The following OPCML variants were observed in gnomAD, a reference collection of about 807,000 sequenced individuals.
The protein encoded by OPCML is opioid binding protein/cell adhesion molecule like, also known as opioid-binding protein/cell adhesion molecule.
Under a neutral mutation model 37.8 loss-of-function variants are expected in OPCML, and 13 were observed. The ratio of observed to expected loss-of-function variants is 0.34; its 90% CI spans 0.22 to 0.55. OPCML has a LOEUF of 0.55. Among genes scored for constraint, OPCML ranks in the 20% least tolerant of loss-of-function variants. The pLI is 0.91. For missense variants in OPCML, 341 were observed against 435.6 expected, an observed-to-expected ratio of 0.78 and a Z score of 1.93; for synonymous variants, 176 against 168.8, an observed-to-expected ratio of 1.04 and a Z score of -0.33.
At chr11:132,889,849 C>A (rs1176724881) in intron 2 of OPCML, among the ~76,000 whole-genome samples, 1 of 152,076 alleles carries the variant, frequency 6.6e-6, no homozygotes, top group Non-Finnish European at 1.5e-5. Flanking sequence ...GCTTGCTTCC[C>A]GAATGAAAAA....
chr11:133,036,274 T>A (rs906492832), intron 1 of OPCML, among the ~76,000 whole-genome samples: 4 of 152,238 alleles, frequency 2.6e-5, no homozygotes, highest in Non-Finnish European at 5.9e-5. Flanking sequence ...ATGGTGCGAA[T>A]GTGTGTTTGT....
intron 1 of OPCML, among the ~76,000 whole-genome samples, chr11:133,340,288 C>T (rs961934646): frequency 6.6e-6 from 1 of 152,154 alleles, no homozygotes; most frequent in African/African-American, 2.4e-5. Flanking sequence ...CGGCAGTATG[C>T]AGTGGAATGC....
chr11:132,910,300 C>G lies in OPCML; in HGVS notation c.146+32626G>C, dbSNP rs145227478. ...ATATTCGCCGGCCATTATGCCCCCA[C>G]AGGGGCAGGCCGGGCCCCAGAGCAG... On this transcript the variant is annotated intron_variant, in intron 2 of 7. Coordinates refer to ENST00000524381, the MANE Select transcript of OPCML (RefSeq NM_001012393.5). Among the ~76,000 whole-genome samples, 25 of 152,364 alleles carry G rather than the reference C, an allele frequency of 1.6e-4. No individual in the cohort carries two copies. The South Asian group carries it at 2.3e-3, about 14-fold the overall frequency.
chr11:132,747,703 A>T (rs1314858267), intron 2 of OPCML, among the ~76,000 whole-genome samples: 3 of 152,228 alleles, frequency 2.0e-5, no homozygotes, highest in Non-Finnish European at 4.4e-5. Flanking sequence ...CGGAACTCAG[A>T]AGGGAGAAGT....
At chr11:133,039,544 G>A (rs899901678) in intron 1 of OPCML, among the ~76,000 whole-genome samples, 1 of 152,030 alleles carries the variant, frequency 6.6e-6, no homozygotes, top group Non-Finnish European at 1.5e-5. Context: ...TGGTCATAGT[G>A]CACCCATGAA....
chr11:132,503,309 G>C (rs1565618619), intron 4 of OPCML, among the ~76,000 whole-genome samples: 1 of 152,064 alleles, frequency 6.6e-6, no homozygotes, highest in Non-Finnish European at 1.5e-5. Flanking sequence ...TTAGTACCTA[G>C]AACCAACACA....
In OPCML at chr11:133,040,056, C is replaced by A. The variant is rs371937025; in HGVS notation, c.62-97046G>T. On this transcript the variant is annotated intron_variant, in intron 1 of 7. Transcript: ENST00000524381. The stretch of plus-strand genomic sequence containing the variant: ...AAAAAAAAAGATGGGGGATGGCAGA[C>A]CCTCTATTTCCCTCTATTTCCTCAC... Among the ~76,000 whole-genome samples the A allele has an allele frequency of 6.6e-5, 10 of 151,336 alleles. No homozygotes were observed. In the East Asian group the frequency reaches 1.4e-3, roughly 21 times the overall value.
intron 2 of OPCML, among the ~76,000 whole-genome samples, chr11:132,748,542 G>C (rs557036444): frequency 6.6e-6 from 1 of 152,304 alleles, no homozygotes; most frequent in African/African-American, 2.4e-5. Flanking sequence ...GAAGCAAGGA[G>C]CCTGAGTGTG....
At chr11:132,759,692 T>A (rs1382668770) in intron 2 of OPCML, among the ~76,000 whole-genome samples, 1 of 152,082 alleles carries the variant, frequency 6.6e-6, no homozygotes. Flanking sequence ...CTCTCTTTTC[T>A]TCCTTATTAG....
intron 1 of OPCML, among the ~76,000 whole-genome samples, chr11:133,235,184 G>T (rs527904689): frequency 6.6e-6 from 1 of 152,204 alleles, no homozygotes; most frequent in South Asian, 2.1e-4. Flanking sequence ...AAATAGTTCT[G>T]CACAATTGGT....
chr11:132,606,864 C>T (rs531411737), intron 3 of OPCML, among the ~76,000 whole-genome samples: 13 of 152,294 alleles, frequency 8.5e-5, no homozygotes, highest in South Asian at 4.1e-4. Context: ...CCCCACCCAC[C>T]GCTCACCCCA....
chr11:132,831,633 C>T (rs1037460488), intron 2 of OPCML, among the ~76,000 whole-genome samples: 3 of 152,068 alleles, frequency 2.0e-5, no homozygotes, highest in Non-Finnish European at 2.9e-5. Context: ...GGTAATAGGG[C>T]CAGGAATGAC....
At chr11:132,713,509 T>TA (rs1390865638) in intron 2 of OPCML, among the ~76,000 whole-genome samples, 8 of 152,140 alleles carry the variant, frequency 5.3e-5, no homozygotes, top group Non-Finnish European at 1.0e-4. Context: ...TTTACAATGA[T>TA]AAAAAAAGGA....
At chr11:133,125,553 GAT>G (rs376897767) in intron 1 of OPCML, among the ~76,000 whole-genome samples, 70 of 143,046 alleles carry the variant, frequency 4.9e-4, no homozygotes, top group Non-Finnish European at 5.6e-4. Context: ...AAACTAATAG[GAT>G]ATATATATAT....
At chr11:132,787,408 G>A (rs1947251836) in intron 2 of OPCML, among the ~76,000 whole-genome samples, 1 of 152,110 alleles carries the variant, frequency 6.6e-6, no homozygotes, top group African/African-American at 2.4e-5. Flanking sequence ...TAAACAAAAA[G>A]CACTTTATGA....
chr11:133,198,282 C>G (rs1315667154), intron 1 of OPCML, among the ~76,000 whole-genome samples: 1 of 152,214 alleles, frequency 6.6e-6, no homozygotes, highest in Non-Finnish European at 1.5e-5. Flanking sequence ...GAAAAATCTT[C>G]AGGAGTTTTG....
At chr11:133,132,930 C>T (rs370287389) in intron 1 of OPCML, among the ~76,000 whole-genome samples, 9 of 151,322 alleles carry the variant, frequency 5.9e-5, no homozygotes, top group East Asian at 1.9e-4. Context: ...GATGGGTGGT[C>T]GGTAGACTGG....
chr11:132,893,669 T>G (rs964432782), intron 2 of OPCML, among the ~76,000 whole-genome samples: 3 of 152,254 alleles, frequency 2.0e-5, no homozygotes, highest in African/African-American at 4.8e-5. Context: ...GAGATAGCAA[T>G]ATCGCAAAAT....
chr11:132,664,935 G>A (rs1273798368), intron 2 of OPCML, among the ~76,000 whole-genome samples: 2 of 152,206 alleles, frequency 1.3e-5, no homozygotes, highest in Non-Finnish European at 2.9e-5. Flanking sequence ...GGAGAGTACA[G>A]CACAAAAATA....
Sources: gnomAD v4.1 joint callset for allele counts (sites outside exome capture counted in the v4.1 genomes callset) on GRCh38, gnomAD v4.1.1 for gene constraint, MANE v1.5 for transcripts, NCBI Gene and HGNC (gene_info 2026-07-23, HGNC 2026-07-21) for gene names.